Variants in NCKAP5L observed in about 807,000 individuals in gnomAD.
NCKAP5L encodes the protein nck-associated protein 5-like.
Under a neutral mutation model 103.2 loss-of-function variants are expected in NCKAP5L, and 54 were observed. The observed-to-expected ratio is 0.52, with a 90% CI of 0.42 to 0.66. The LOEUF is 0.66. NCKAP5L is among the 30% of genes least tolerant of loss of function. The pLI, the probability that NCKAP5L is intolerant of heterozygous loss-of-function variation, is 0.00. For synonymous variants in NCKAP5L, 762 were observed against 748.6 expected (o/e 1.02, Z -0.29); for missense variants, 1,733 against 1,750.6 (o/e 0.99, Z 0.18).
rs991897032 is a variant in NCKAP5L, at chr12:49,792,023, T to G, written c.3821A>C (p.Gln1274Pro). Residue 1274 changes from glutamine to proline, a missense_variant, in exon 13 of 13, where the codon CAG becomes CCG. Physicochemically the swap from Gln to Pro is moderately conservative, Grantham distance 76. Coordinates refer to ENST00000335999, the MANE Select transcript of NCKAP5L (RefSeq NM_001037806.4). This position sits in a 1 kb window ranked among gnomAD's most constrained non-coding sequence, Gnocchi z 4.5. ...MALPVDRKRSQEPSRPSPTPQ... is the reference protein window; with the variant it reads ...MALPVDRKRSPEPSRPSPTPQ... ...CGTAGGGGACGGGCGGCTGGGCTCC[T>G]GGCTTCGCTTCCGGTCCACGGGCAG... is the stretch of plus-strand genomic sequence containing the variant. 1 of 1,563,118 alleles carries G rather than the reference T, an allele frequency of 6.4e-7. No homozygotes were observed. Among genetic ancestry groups the G allele is most frequent in the African/African-American group, 1.4e-5 (1 of 73,262 alleles).
At position 49,793,732 on chromosome 12, in the gene NCKAP5L, A is replaced by G. The variant is rs1945979227; in HGVS notation, c.3258+2T>C. ...CACCCAGTCCCTACCCCAAGAACTT[A>G]CCTTTCCAGGAGGTTTTCCGCAGCC... On this transcript the variant is annotated splice_donor_variant, in intron 9 of 12. Coordinates refer to ENST00000335999, the MANE Select transcript of NCKAP5L (RefSeq NM_001037806.4). LOFTEE classifies it high-confidence loss of function. The G allele has an allele frequency of 6.5e-7, 1 of 1,547,308 alleles. No individual in the cohort carries two copies. The highest frequency in any genetic ancestry group is 8.7e-7 in the Non-Finnish European group (1 of 1,146,922).
chr12:49,810,629 G>A (rs1483045846), intron 1 of NCKAP5L, among the ~76,000 whole-genome samples: 1 of 152,168 alleles, frequency 6.6e-6, no homozygotes, highest in African/African-American at 2.4e-5. Context: ...CAGATACTAT[G>A]CTGTGTGATA....
chr12:49,822,040 G>A (rs1368820678), intron 1 of NCKAP5L, among the ~76,000 whole-genome samples: 2 of 152,156 alleles, frequency 1.3e-5, no homozygotes, highest in Non-Finnish European at 2.9e-5. Flanking sequence ...CGGTGGTGCT[G>A]TGGGAGGTAA....
intron 1 of NCKAP5L, among the ~76,000 whole-genome samples, chr12:49,824,791 A>G (rs1366038277): frequency 6.6e-6 from 1 of 152,232 alleles, no homozygotes; most frequent in Non-Finnish European, 1.5e-5. Flanking sequence ...CAATGACCTT[A>G]GCCTCCAACC....
chr12:49,826,130 C>A (rs1487918328), intron 1 of NCKAP5L, among the ~76,000 whole-genome samples: 1 of 147,402 alleles, frequency 6.8e-6, no homozygotes, highest in African/African-American at 2.5e-5. Context: ...GGTGTGAGTA[C>A]AGCAGTGAGG....
intron 1 of NCKAP5L, among the ~76,000 whole-genome samples, chr12:49,822,956 G>T (rs1035425366): frequency 6.6e-6 from 1 of 152,206 alleles, no homozygotes; most frequent in African/African-American, 2.4e-5. Context: ...TCCCAGCTGT[G>T]GCATCCAACC....
At chr12:49,825,966 G>T (rs1018158660) in intron 1 of NCKAP5L, among the ~76,000 whole-genome samples, 6 of 152,164 alleles carry the variant, frequency 3.9e-5, no homozygotes, top group African/African-American at 1.4e-4. Flanking sequence ...CTCCTGAGAA[G>T]TCCTACCCTG....
Position 49,797,729 on chromosome 12 carries a change from G to C in NCKAP5L, c.466-335C>G, listed in dbSNP as rs1450352110. 6.6e-6 allele frequency among the ~76,000 whole-genome samples: 1 copy of C among 152,146 alleles called. No individual in the cohort carries two copies. Among genetic ancestry groups the C allele is most frequent in the Non-Finnish European group, 1.5e-5 (1 of 68,028 alleles). On this transcript the variant is annotated intron_variant, in intron 7 of 12. Transcript: ENST00000335999. The surrounding 1 kb of genome is among the most constrained non-coding windows in gnomAD (Gnocchi z 4.5). ...AACTCTGACCTCTGTGTTTGTCCCA[G>C]GGGAGGGAGGCCTGTCCATTTCTCG...
At position 49,796,300 on chromosome 12, in the gene NCKAP5L, G is replaced by A. The variant is rs1331643279; in HGVS notation, c.1560C>T (p.Pro520=). Residue 520 remains proline, a synonymous_variant, in exon 8 of 13, where the codon CCC becomes CCT. Transcript: ENST00000335999. ...ELSPEGAQGL[P]TSPSPCYTTP... is the part of the protein sequence containing the mutation. ...TTGTGTAGCAGGGTGAAGGGCTGGT[G>A]GGCAGGCCTTGCGCCCCCTCTGGGG... The A allele has an allele frequency of 7.8e-6, 12 of 1,545,862 alleles. No individual in the cohort carries two copies. The highest frequency in any genetic ancestry group is 1.0e-5 in the Non-Finnish European group (12 of 1,145,638).
At chr12:49,815,518 G>A (rs532053088) in intron 1 of NCKAP5L, among the ~76,000 whole-genome samples, 8 of 152,288 alleles carry the variant, frequency 5.3e-5, no homozygotes, top group African/African-American at 1.9e-4. Flanking sequence ...CTTTCAACAT[G>A]CTTCCTTTTC....
intron 1 of NCKAP5L, among the ~76,000 whole-genome samples, chr12:49,828,082 G>A (rs1015451872): frequency 2.0e-5 from 3 of 152,098 alleles, no homozygotes; most frequent in African/African-American, 4.8e-5. Context: ...ATGGCGCGGG[G>A]GGCGGGAGGG....
chr12:49,811,328 C>A (rs550937464), intron 1 of NCKAP5L, among the ~76,000 whole-genome samples: 220 of 152,284 alleles, frequency 1.4e-3, no homozygotes, highest in African/African-American at 5.1e-3. Context: ...CCATGAGTAG[C>A]ACACACCCTC....
chr12:49,808,486 G>A (rs1012251395), intron 1 of NCKAP5L, among the ~76,000 whole-genome samples: 12 of 152,162 alleles, frequency 7.9e-5, no homozygotes, highest in South Asian at 2.1e-4. Flanking sequence ...CATGAGAGTC[G>A]GCCCAGAGTC....
Position 49,795,343 on chromosome 12 carries a change from G to A in NCKAP5L, c.2517C>T (p.Ser839=), listed in dbSNP as rs1256131365. The change falls in exon 8 of 13, where the codon TCC becomes TCT. Residue 839 remains serine, a synonymous_variant. Coordinates refer to ENST00000335999, the MANE Select transcript of NCKAP5L (RefSeq NM_001037806.4). ...GGCCCTTCCCTTTGTCAGGCTTGGG[G>A]GACTCCTTGGTGACTAGCGGAGCCC... ...RPGAPLVTKE[S]PKPDKGKGPP... is the part of the protein sequence containing the mutation. 2.6e-6 allele frequency: 4 copies of A among 1,539,694 alleles called. No individual in the cohort carries two copies. Among genetic ancestry groups the A allele is most frequent in the Admixed American group, 4.3e-5 (2 of 46,350 alleles).
At chr12:49,802,887 G>T in intron 5 of NCKAP5L, 71 bp downstream of exon 5, 2 of 1,516,492 alleles carry the variant, frequency 1.3e-6, no homozygotes, top group Middle Eastern at 2.3e-4. Context: ...TGTCCTCCAA[G>T]CCCTTAGTCT....
At chr12:49,793,271 C>T (rs760113773) in intron 10 of NCKAP5L, 81 bp downstream of exon 10, 66 of 1,389,920 alleles carry the variant, frequency 4.7e-5, no homozygotes, top group Non-Finnish European at 4.8e-5. Context: ...GCACCTGCTG[C>T]GGGGACGGGA....
intron 1 of NCKAP5L, among the ~76,000 whole-genome samples, chr12:49,807,256 T>TGC (rs1485198438): frequency 6.6e-6 from 1 of 152,092 alleles, no homozygotes; most frequent in Non-Finnish European, 1.5e-5. Context: ...CGTGTGTGTG[T>TGC]GTGTGTGTGT....
At chr12:49,811,133 C>A (rs1351946373) in intron 1 of NCKAP5L, among the ~76,000 whole-genome samples, 2 of 152,178 alleles carry the variant, frequency 1.3e-5, no homozygotes, top group South Asian at 4.1e-4. Flanking sequence ...CCTCAACTTG[C>A]GTATTCTAGG....
At position 49,793,633 on chromosome 12, in the gene NCKAP5L, G is replaced by A. The variant is rs781537503; in HGVS notation, c.3258+101C>T. On this transcript the variant is annotated intron_variant, in intron 9 of 12. Coordinates refer to ENST00000335999, the MANE Select transcript of NCKAP5L (RefSeq NM_001037806.4). Reference sequence around the variant, plus strand: ...CCCCGTAGAGACTGTGAGTGCATCCGGCACTCATGGTCTTGGGGAAGGGGA... The same window carrying A: ...CCCCGTAGAGACTGTGAGTGCATCCAGCACTCATGGTCTTGGGGAAGGGGA... The A allele has an allele frequency of 1.1e-4, 147 of 1,387,946 alleles. No homozygotes were observed. In the Middle Eastern group the frequency reaches 2.2e-3, roughly 21 times the overall value. The allele number at this position is 1,387,946 out of a possible 1,614,324, so 86.0% of individuals were successfully genotyped here. A position where few individuals can be genotyped will look rare whatever the true frequency, so the allele number is the denominator to read the frequency against.
Sources: gnomAD v4.1 joint callset for allele counts (sites outside exome capture counted in the v4.1 genomes callset) on GRCh38, gnomAD v4.1.1 for gene constraint, Gnocchi (gnomAD v3.1) non-coding constraint, MANE v1.5 for transcripts, NCBI Gene and HGNC (gene_info 2026-07-23, HGNC 2026-07-21) for gene names.